Variants in UBE2D2 observed in about 807,000 individuals in gnomAD.
The protein encoded by UBE2D2 is ubiquitin-conjugating enzyme E2 D2.
A neutral mutation model predicts 24.2 loss-of-function variants in UBE2D2; 2 were observed. The observed-to-expected ratio is 0.08, with a 90% confidence interval of 0.03 to 0.26. UBE2D2 has a LOEUF of 0.26. Ranked by LOEUF, UBE2D2 falls within the 10% of genes least tolerant of loss-of-function variation. UBE2D2 has a pLI of 1.00. For missense variants in UBE2D2, 44 were observed against 177.6 expected, an observed-to-expected ratio of 0.25 and a Z score of 4.28; for synonymous variants, 58 against 56.5, an observed-to-expected ratio of 1.03 and a Z score of -0.12.
intron 1 of UBE2D2, among the ~76,000 whole-genome samples, chr5:139,593,609 ATATAT>A (rs1007921418): frequency 1.3e-5 from 2 of 152,088 alleles, no homozygotes; most frequent in African/African-American, 2.4e-5. Context: ...ACATTAAAAG[ATATAT>A]TAAAATATGT....
At chr5:139,608,462 G>A (rs1356531305) in intron 2 of UBE2D2, among the ~76,000 whole-genome samples, 2 of 151,834 alleles carry the variant, frequency 1.3e-5, no homozygotes, top group East Asian at 3.9e-4. Flanking sequence ...GGTATTCTGG[G>A]TATTCTGGCT....
intron 2 of UBE2D2, among the ~76,000 whole-genome samples, chr5:139,605,565 CTG>C (rs1160780268): frequency 1.1e-3 from 150 of 133,186 alleles, no homozygotes; most frequent in Non-Finnish European, 1.3e-3. Context: ...GCACTCCAGC[CTG>C]TGTGACAGAG....
At chr5:139,583,265 G>A (rs1753645828) in intron 1 of UBE2D2, among the ~76,000 whole-genome samples, 1 of 152,086 alleles carries the variant, frequency 6.6e-6, no homozygotes, top group African/African-American at 2.4e-5. Context: ...ATGAACCATT[G>A]CATCCGGCCA....
chr5:139,550,596 T>A (rs78147393), intron 1 of UBE2D2, among the ~76,000 whole-genome samples: 3 of 152,018 alleles, frequency 2.0e-5, no homozygotes, highest in Non-Finnish European at 4.4e-5. Flanking sequence ...TTTTTGATCT[T>A]TGAGATAACT....
At chr5:139,608,222 A>G (rs1754237252) in intron 2 of UBE2D2, among the ~76,000 whole-genome samples, 1 of 152,074 alleles carries the variant, frequency 6.6e-6, no homozygotes, top group Admixed American at 6.6e-5. Context: ...GCCTGAGCTC[A>G]GGAGTTTGAG....
intron 2 of UBE2D2, among the ~76,000 whole-genome samples, chr5:139,603,500 A>G (rs905692995): frequency 6.6e-6 from 1 of 151,692 alleles, no homozygotes; most frequent in South Asian, 2.1e-4. Context: ...GCGCCTGCCT[A>G]TAATCCCAGC....
At chr5:139,623,929 G>A (rs932479251) in intron 6 of UBE2D2, among the ~76,000 whole-genome samples, 3 of 152,066 alleles carry the variant, frequency 2.0e-5, no homozygotes, top group African/African-American at 4.8e-5. Context: ...GACCTCAAAT[G>A]ATCTGCCTGC....
chr5:139,611,157 A>G (rs1173973167), intron 2 of UBE2D2, among the ~76,000 whole-genome samples: 1 of 145,460 alleles, frequency 6.9e-6, no homozygotes, highest in Non-Finnish European at 1.5e-5. Flanking sequence ...AAGTAGTTCT[A>G]GATGACAAGT....
chr5:139,588,626 A>G (rs1370668475), intron 1 of UBE2D2, among the ~76,000 whole-genome samples: 1 of 152,192 alleles, frequency 6.6e-6, no homozygotes, highest in East Asian at 1.9e-4. Context: ...ATTAAAAGGG[A>G]TAGGCTTCAT....
At chr5:139,563,809 C>T (rs1393110703) in intron 1 of UBE2D2, among the ~76,000 whole-genome samples, 4 of 152,062 alleles carry the variant, frequency 2.6e-5, no homozygotes. Context: ...GTGGCGGGTT[C>T]CTGTAGTCCC....
upstream of UBE2D2, among the ~76,000 whole-genome samples, chr5:139,558,545 C>T (rs1753010862): frequency 1.3e-5 from 2 of 152,194 alleles, no homozygotes; most frequent in Admixed American, 1.3e-4. Flanking sequence ...GCCTCGGCCT[C>T]CCAAAGTGTT....
intron 1 of UBE2D2, among the ~76,000 whole-genome samples, chr5:139,536,098 T>G (rs547546271): frequency 4.0e-5 from 6 of 151,096 alleles, no homozygotes; most frequent in African/African-American, 1.5e-4. Context: ...TATTATTTTA[T>G]TTATTTATTT....
intron 2 of UBE2D2, among the ~76,000 whole-genome samples, chr5:139,607,385 T>A (rs1218292688): frequency 6.6e-6 from 1 of 152,216 alleles, no homozygotes; most frequent in Non-Finnish European, 1.5e-5. Context: ...AGATTCTAGA[T>A]CATTTTATGA....
In UBE2D2 at chr5:139,538,022, TTTTG is replaced by T. The variant is rs567945576; in HGVS notation, c.-64+11430_-64+11433del. On this transcript the variant is annotated intron_variant, in intron 1 of 6. Transcript: ENST00000511725. ...GTTAACCTATGGCATGATACAGTTT[TTTTG>T]TTTGTTTGTTTGTTTGTTTTGTGGA... Among the ~76,000 whole-genome samples the T allele has an allele frequency of 1.1e-3, 166 of 152,138 alleles. 3 individuals carry two copies. The South Asian group carries it at 0.011, about 10-fold the overall frequency.
chr5:139,628,105 A>G lies in UBE2D2; in HGVS notation c.*1304A>G, dbSNP rs1386308109. 1.3e-5 allele frequency: 2 copies of G among 152,664 alleles called. No homozygotes were observed. The highest frequency in any genetic ancestry group is 1.3e-4 in the Admixed American group (2 of 15,278). The allele number at this position is 152,664 out of a possible 1,614,324, so 9.5% of individuals were successfully genotyped here. On this transcript the variant is annotated 3_prime_UTR_variant, in exon 7 of 7. Transcript: ENST00000398733. ...TTGACCAAACCTGGGAAACAAGAGC[A>G]CAGTCTTGTTTGGAGAGTCTACATA...
At chr5:139,581,311 C>T (rs921849587) in intron 1 of UBE2D2, among the ~76,000 whole-genome samples, 10 of 151,636 alleles carry the variant, frequency 6.6e-5, no homozygotes, top group African/African-American at 7.3e-5. Flanking sequence ...TAGCCGGGTG[C>T]GGTGGTGAGC....
At chr5:139,603,873 C>T (rs1009420527) in intron 2 of UBE2D2, among the ~76,000 whole-genome samples, 9 of 150,588 alleles carry the variant, frequency 6.0e-5, no homozygotes, top group African/African-American at 1.5e-4. Flanking sequence ...CGCTTGAACC[C>T]GGGAGGCAGA....
intron 2 of UBE2D2, among the ~76,000 whole-genome samples, chr5:139,606,866 A>G (rs1371823822): frequency 2.0e-5 from 3 of 152,074 alleles, no homozygotes; most frequent in Admixed American, 1.3e-4. Context: ...GTGTAGTGGC[A>G]TGATCTTGGC....
chr5:139,534,921 T>C (rs1349953864), intron 1 of UBE2D2, among the ~76,000 whole-genome samples: 1 of 151,436 alleles, frequency 6.6e-6, no homozygotes, highest in East Asian at 1.9e-4. Flanking sequence ...AGAGGATTGC[T>C]TGAGCTCAGG....
Sources: allele counts gnomAD v4.1 joint callset (sites outside exome capture counted in the v4.1 genomes callset), GRCh38; gene constraint gnomAD v4.1.1; transcripts MANE v1.5; gene names NCBI Gene and HGNC (gene_info 2026-07-23, HGNC 2026-07-21).